The following CAPZA2 variants were observed in gnomAD, a reference collection of about 807,000 sequenced individuals.
The protein encoded by CAPZA2 is F-actin-capping protein subunit alpha-2.
In CAPZA2, 13 loss-of-function variants were observed where a neutral mutation model predicts 44.0. The observed-to-expected ratio is 0.30, with a 90% CI of 0.19 to 0.47. The LOEUF is 0.47. CAPZA2 is among the 20% of genes least tolerant of loss of function. The pLI is 1.00. For missense variants in CAPZA2, 244 were observed against 338.6 expected (o/e 0.72, Z 2.19); for synonymous variants, 94 against 108.2 (o/e 0.87, Z 0.81).
chr7:116,889,413 AT>A (rs1022874356), intron 2 of CAPZA2, among the ~76,000 whole-genome samples: 1 of 151,152 alleles, frequency 6.6e-6, no homozygotes, highest in African/African-American at 2.4e-5. Flanking sequence ...AAGTTTAATC[AT>A]TTTTTTTTCT....
At chr7:116,880,585 C>T (rs1284934136) in intron 1 of CAPZA2, among the ~76,000 whole-genome samples, 5 of 149,298 alleles carry the variant, frequency 3.3e-5, no homozygotes, top group South Asian at 2.1e-4. Context: ...TTAGTAGAAA[C>T]GGTTTTTTAC....
chr7:116,911,699 T>G (rs1791599214), intron 7 of CAPZA2, among the ~76,000 whole-genome samples: 1 of 152,200 alleles, frequency 6.6e-6, no homozygotes, highest in Non-Finnish European at 1.5e-5. Context: ...AATTCATGTC[T>G]GAGTTTGGGG....
At chr7:116,904,988 A>AAAAAAAAAAAAAAAAAAAAC (rs1791472217) in intron 5 of CAPZA2, among the ~76,000 whole-genome samples, 4 of 149,876 alleles carry the variant, frequency 2.7e-5, no homozygotes, top group African/African-American at 9.8e-5. Flanking sequence ...AAAAAAAAAA[A>AAAAAAAAAAAAAAAAAAAAC]ACAATTAGCC....
chr7:116,915,670 T>C (rs2115986985), intron 8 of CAPZA2: 1 of 152,292 alleles, frequency 6.6e-6, no homozygotes, highest in African/African-American at 2.4e-5. Flanking sequence ...GGTATCACTG[T>C]TCTGTTACGT....
chr7:116,894,195 C>T (rs545956153), intron 3 of CAPZA2, among the ~76,000 whole-genome samples: 41 of 152,182 alleles, frequency 2.7e-4, no homozygotes, highest in African/African-American at 9.6e-4. Context: ...AATCCCGTCT[C>T]TACTAAAAAT....
At chr7:116,866,333 G>A (rs1796482219) in intron 1 of CAPZA2, among the ~76,000 whole-genome samples, 1 of 152,016 alleles carries the variant, frequency 6.6e-6, no homozygotes, top group Admixed American at 6.6e-5. Context: ...CACCGCGCCC[G>A]GCTAATTTTT....
intron 5 of CAPZA2, among the ~76,000 whole-genome samples, chr7:116,905,508 C>A (rs1791485506): frequency 6.6e-6 from 1 of 152,148 alleles, no homozygotes; most frequent in Non-Finnish European, 1.5e-5. Flanking sequence ...TAGCGTACCC[C>A]ATTTCTTTCT....
intron 2 of CAPZA2, among the ~76,000 whole-genome samples, chr7:116,889,662 C>A (rs1796805907): frequency 6.6e-6 from 1 of 151,970 alleles, no homozygotes; most frequent in African/African-American, 2.4e-5. Context: ...GTTAAAATTA[C>A]CCTAGAAATC....
intron 6 of CAPZA2, among the ~76,000 whole-genome samples, chr7:116,908,748 GA>G (rs1187219883): frequency 6.6e-6 from 1 of 151,998 alleles, no homozygotes; most frequent in East Asian, 1.9e-4. Flanking sequence ...TCAATAAAAG[GA>G]ATACTTCTTT....
intron 6 of CAPZA2, among the ~76,000 whole-genome samples, chr7:116,906,939 G>A (rs183026999): frequency 9.5e-4 from 145 of 152,230 alleles, no homozygotes; most frequent in Non-Finnish European, 1.7e-3. Flanking sequence ...TCTTAGACAA[G>A]ACTATTTCTG....
intron 1 of CAPZA2, among the ~76,000 whole-genome samples, chr7:116,877,338 A>G (rs1166941695): frequency 6.6e-6 from 1 of 152,300 alleles, no homozygotes; most frequent in East Asian, 1.9e-4. Context: ...AGTTTAAGAT[A>G]TTCTGCTGCT....
chr7:116,891,973 A>G (rs1796852065), intron 2 of CAPZA2, among the ~76,000 whole-genome samples: 1 of 152,328 alleles, frequency 6.6e-6, no homozygotes, highest in African/African-American at 2.4e-5. Context: ...AAAAAATTCT[A>G]CCTTCCAGTT....
rs915940054 is a variant in CAPZA2, at chr7:116,921,542, G to C, written c.*3675G>C. The C allele has an allele frequency of 6.6e-6, 1 of 152,100 alleles. No homozygotes were observed. The highest frequency in any genetic ancestry group is 6.6e-5 in the Admixed American group (1 of 15,250). The allele number at this position is 152,100 out of a possible 1,614,324, so 9.4% of individuals were successfully genotyped here. A position where few individuals can be genotyped will look rare whatever the true frequency, so the allele number is the denominator to read the frequency against. ...TATTAAAAATACAAATATTAGCCGG[G>C]CATGGTGGCACATGCCTGTAGTCCC... is the stretch of plus-strand genomic sequence containing the variant. On this transcript the variant is annotated 3_prime_UTR_variant, in exon 10 of 10. Coordinates refer to ENST00000361183, the MANE Select transcript of CAPZA2 (RefSeq NM_006136.3).
In CAPZA2 at chr7:116,891,766, C is replaced by T. The variant is rs574157935; in HGVS notation, c.104-1228C>T. Among the ~76,000 whole-genome samples the T allele has an allele frequency of 2.1e-4, 32 of 152,280 alleles. 1 individual carries two copies. In the South Asian group the frequency reaches 6.0e-3, roughly 29 times the overall value. ...GACCTCGTGATCCACCCTCTTCGGC[C>T]TCCCAAAGTGCTGGGATTACAGGCA... On this transcript the variant is annotated intron_variant, in intron 2 of 9. Transcript: ENST00000361183.
intron 4 of CAPZA2, among the ~76,000 whole-genome samples, chr7:116,900,828 C>T (rs781263332): frequency 5.3e-5 from 8 of 151,826 alleles, no homozygotes; most frequent in Admixed American, 1.3e-4. Context: ...TAAAAACAAG[C>T]GCATTAAAAA....
At chr7:116,902,811 G>A (rs997115351) in intron 4 of CAPZA2, among the ~76,000 whole-genome samples, 3 of 152,046 alleles carry the variant, frequency 2.0e-5, no homozygotes, top group Admixed American at 6.5e-5. Context: ...ATCACAGCTC[G>A]CTGCAGCCTC....
At chr7:116,908,012 G>T (rs1160575029) in intron 6 of CAPZA2, among the ~76,000 whole-genome samples, 2 of 151,970 alleles carry the variant, frequency 1.3e-5, no homozygotes, top group African/African-American at 4.8e-5. Context: ...TGTAATCCCA[G>T]CACTTTTGGA....
At chr7:116,893,472 A>T (rs2115934250) in intron 3 of CAPZA2, among the ~76,000 whole-genome samples, 1 of 152,346 alleles carries the variant, frequency 6.6e-6, no homozygotes, top group Non-Finnish European at 1.5e-5. Context: ...AGATATTTGC[A>T]CATCAAGTTC....
At chr7:116,863,182 T>A (rs571803733) in intron 1 of CAPZA2, among the ~76,000 whole-genome samples, 1 of 152,344 alleles carries the variant, frequency 6.6e-6, no homozygotes, top group South Asian at 2.1e-4. Flanking sequence ...AGCAAAATGC[T>A]TCCTTTTCTG....
Sources: gnomAD v4.1 joint callset for allele counts (sites outside exome capture counted in the v4.1 genomes callset) on GRCh38, gnomAD v4.1.1 for gene constraint, MANE v1.5 for transcripts, NCBI Gene and HGNC (gene_info 2026-07-23, HGNC 2026-07-21) for gene names.